Variants in ZNF571 observed in about 807,000 individuals in gnomAD.
ZNF571 encodes the protein zinc finger protein 571.
In ZNF571, 4 loss-of-function variants were observed where a neutral mutation model predicts 7.7. That is an observed-to-expected ratio of 0.52 (90% CI 0.25 to 1.18). ZNF571 has a LOEUF of 1.18. Ranked by LOEUF, ZNF571 falls within the 50% of genes most tolerant of loss-of-function variation. The probability of loss-of-function intolerance (pLI) is 0.14; values close to 1 mark genes in which losing one functional copy is unlikely to be tolerated. For missense variants in ZNF571, 704 were observed against 726.9 expected (o/e 0.97, Z 0.36); for synonymous variants, 251 against 232.4 (o/e 1.08, Z -0.73).
intron 3 of ZNF571, among the ~76,000 whole-genome samples, chr19:37,581,257 A>C (rs1475558648): frequency 1.3e-5 from 2 of 152,202 alleles, no homozygotes; most frequent in East Asian, 3.9e-4. Context: ...CAAATCCATA[A>C]TAGATTAGTC....
At chr19:37,578,597 G>A (rs1487846905) in intron 3 of ZNF571, among the ~76,000 whole-genome samples, 2 of 152,208 alleles carry the variant, frequency 1.3e-5, no homozygotes, top group African/African-American at 4.8e-5. Flanking sequence ...CTGAGGGGCG[G>A]TCAGAATGCC....
Position 37,566,306 on chromosome 19 carries a change from G to A in ZNF571, c.137-15C>T, listed in dbSNP as rs573767781. ...GGATTCCAAGTCTGTAGAATAAAAAGAAAGCAAATTCCTGCTTTTGTTTAC... is the reference window on the plus strand; with the variant it reads ...GGATTCCAAGTCTGTAGAATAAAAAAAAAGCAAATTCCTGCTTTTGTTTAC... On this transcript the variant is annotated splice_polypyrimidine_tract_variant and intron_variant, in intron 3 of 3. Transcript: ENST00000451802. 3 of 1,571,470 alleles carry A rather than the reference G, an allele frequency of 1.9e-6. No individual in the cohort carries two copies. The highest frequency in any genetic ancestry group is 2.6e-6 in the Non-Finnish European group (3 of 1,163,778).
intron 3 of ZNF571, among the ~76,000 whole-genome samples, chr19:37,572,451 T>C (rs2043096195): frequency 6.6e-6 from 1 of 152,224 alleles, no homozygotes; most frequent in Admixed American, 6.5e-5. Context: ...GACCAGCATA[T>C]TGTCTAATTT....
At chr19:37,582,579 T>C (rs1267888872) in intron 3 of ZNF571, among the ~76,000 whole-genome samples, 1 of 152,190 alleles carries the variant, frequency 6.6e-6, no homozygotes, top group Non-Finnish European at 1.5e-5. Context: ...ATCTCTTCAG[T>C]CCTGACTATC....
intron 1 of ZNF571, among the ~76,000 whole-genome samples, chr19:37,590,769 T>A (rs1174143204): frequency 6.6e-6 from 1 of 152,148 alleles, no homozygotes; most frequent in Non-Finnish European, 1.5e-5. Flanking sequence ...ATAAAAATTT[T>A]AAAAAACCAA....
chr19:37,572,509 A>C (rs2043097642), intron 3 of ZNF571, among the ~76,000 whole-genome samples: 1 of 152,202 alleles, frequency 6.6e-6, no homozygotes, highest in African/African-American at 2.4e-5. Context: ...CCCAGTAGCT[A>C]TCTCCTTTAT....
chr19:37,565,746 ATGCGTTACAC>A lies in ZNF571; in HGVS notation c.672_681del (p.Gln224HisfsTer124), dbSNP rs1568341244. The A allele has an allele frequency of 6.2e-7, 1 of 1,613,826 alleles. No individual in the cohort carries two copies. Among genetic ancestry groups the A allele is most frequent in the South Asian group, 1.1e-5 (1 of 91,080 alleles). ...GAACCACGAATAAAAGCTTTCCCAC[ATGCGTTACAC>A]TGATAAGGTTTTTCATTAGTATGAA... On this transcript the variant is annotated frameshift_variant, in exon 4 of 4. Coordinates refer to ENST00000451802, the MANE Select transcript of ZNF571 (RefSeq NM_016536.5). LOFTEE classifies it low-confidence loss of function (END_TRUNC).
intron 3 of ZNF571, among the ~76,000 whole-genome samples, chr19:37,577,034 G>T (rs1180599879): frequency 6.6e-6 from 1 of 152,012 alleles, no homozygotes; most frequent in African/African-American, 2.4e-5. Flanking sequence ...AAAACGTTAG[G>T]TCATGGTGCA....
intron 1 of ZNF571, among the ~76,000 whole-genome samples, chr19:37,591,839 T>C (rs2043877742): frequency 6.6e-6 from 1 of 151,172 alleles, no homozygotes; most frequent in Non-Finnish European, 1.5e-5. Flanking sequence ...CCACCACACA[T>C]GGCCATGAAC....
chr19:37,573,528 A>T (rs574180217), intron 3 of ZNF571, among the ~76,000 whole-genome samples: 49 of 152,248 alleles, frequency 3.2e-4, no homozygotes, highest in Non-Finnish European at 5.0e-4. Context: ...TTTATCTACT[A>T]ATTGAAAATA....
Position 37,582,235 on chromosome 19 carries a change from T to TTG in ZNF571, c.136+1734_136+1735dup, listed in dbSNP as rs1402934830. On this transcript the variant is annotated intron_variant, in intron 3 of 3. Coordinates refer to ENST00000451802, the MANE Select transcript of ZNF571 (RefSeq NM_016536.5). Reference sequence around the variant, plus strand: ...CACAATGAGGTTTTTGTTCCTCTCATTGCCAAACCCACCTTGTCAGGGTCA... The same window carrying TTG: ...CACAATGAGGTTTTTGTTCCTCTCATTGTGCCAAACCCACCTTGTCAGGGTCA... Among the ~76,000 whole-genome samples the TTG allele has an allele frequency of 5.3e-5, 8 of 152,176 alleles. No homozygotes were observed. In the East Asian group the frequency reaches 1.5e-3, roughly 29 times the overall value.
In ZNF571 at chr19:37,564,851, C is replaced by A; in HGVS notation, c.1577G>T (p.Gly526Val). 6.2e-7 allele frequency: 1 copy of A among 1,614,046 alleles called. No homozygotes were observed. Among genetic ancestry groups the A allele is most frequent in the Non-Finnish European group, 8.5e-7 (1 of 1,179,964 alleles). Residue 526 changes from glycine to valine, a missense_variant, in exon 4 of 4, where the codon GGT (glycine) becomes GTT (valine). Transcript: ENST00000451802. ...QLSEHQRIHRGEKPYECKQCG... is the reference protein window; with the variant it reads ...QLSEHQRIHRVEKPYECKQCG... The stretch of plus-strand genomic sequence containing the variant: ...CTGTTTACATTCATAAGGTTTTTCA[C>A]CTCTGTGAATTCTCTGATGTTCACT...
intron 3 of ZNF571, chr19:37,583,449 A>C (rs2043547252): frequency 6.6e-6 from 1 of 152,400 alleles, no homozygotes; most frequent in Non-Finnish European, 1.5e-5. Context: ...GGGAACTCAC[A>C]CACATAACCT....
At chr19:37,589,325 T>C (rs1033502397) in intron 1 of ZNF571, among the ~76,000 whole-genome samples, 2 of 151,660 alleles carry the variant, frequency 1.3e-5, no homozygotes, top group African/African-American at 4.8e-5. Flanking sequence ...CATTTAAAAA[T>C]TGCCTAAAAG....
intron 3 of ZNF571, among the ~76,000 whole-genome samples, chr19:37,567,405 T>C (rs2042898377): frequency 6.6e-6 from 1 of 152,222 alleles, no homozygotes; most frequent in Non-Finnish European, 1.5e-5. Flanking sequence ...CTAATAATCT[T>C]TCAATGGTTT....
Position 37,586,673 on chromosome 19 carries a change from G to A in ZNF571, c.4C>T (p.Pro2Ser). 2 of 1,614,098 alleles carry A rather than the reference G, an allele frequency of 1.2e-6. No individual in the cohort carries two copies. The highest frequency in any genetic ancestry group is 1.7e-5 in the Admixed American group (1 of 60,008). The change falls in exon 2 of 4, where the codon CCC (proline) becomes TCC (serine). Residue 2 changes from proline to serine, a missense_variant. Pro to Ser is a moderately conservative substitution (Grantham distance 74). Coordinates refer to ENST00000451802, the MANE Select transcript of ZNF571 (RefSeq NM_016536.5). M[P>S]HLLVTFRDVA... ...GGAAAGAAACAGCAACTCACGTGGG[G>A]CATGGTTTTTTAGAACTGATCAATT...
At chr19:37,581,693 G>A (rs895845381) in intron 3 of ZNF571, among the ~76,000 whole-genome samples, 6 of 151,470 alleles carry the variant, frequency 4.0e-5, no homozygotes, top group African/African-American at 9.7e-5. Flanking sequence ...GAATTCCTGG[G>A]CTCAAGCAAT....
chr19:37,571,833 C>T (rs1052743231), intron 3 of ZNF571, among the ~76,000 whole-genome samples: 7 of 152,164 alleles, frequency 4.6e-5, no homozygotes, highest in Admixed American at 1.3e-4. Context: ...CTTTTTGGCT[C>T]CTAAGGCCAA....
At chr19:37,585,263 A>C (rs981928058) in intron 2 of ZNF571, 12 of 152,278 alleles carry the variant, frequency 7.9e-5, no homozygotes, top group South Asian at 2.1e-4. Flanking sequence ...CTAATCCCTG[A>C]AACAGTAACA....
Sources: allele counts gnomAD v4.1 joint callset (sites outside exome capture counted in the v4.1 genomes callset), GRCh38; gene constraint gnomAD v4.1.1; transcripts MANE v1.5; gene names NCBI Gene and HGNC (gene_info 2026-07-23, HGNC 2026-07-21).